The following MFAP3L variants were observed in gnomAD, a reference collection of about 807,000 sequenced individuals.
The protein encoded by MFAP3L is microfibrillar-associated protein 3-like.
In MFAP3L, 5 loss-of-function variants were observed where a neutral mutation model predicts 20.0. The observed-to-expected ratio is 0.25, with a 90% CI of 0.13 to 0.53. The LOEUF is 0.53. Ranked by LOEUF, MFAP3L falls within the 20% of genes least tolerant of loss-of-function variation. The pLI is 0.96. For missense variants in MFAP3L, 409 were observed against 527.5 expected (o/e 0.78, Z 2.20); for synonymous variants, 219 against 213.0 (o/e 1.03, Z -0.25).
rs1220814497 is a variant in MFAP3L at position 170,026,223 on chromosome 4, C to A, written c.-134+11G>T. 2 of 984,218 alleles carry A rather than the reference C, an allele frequency of 2.0e-6. No individual in the cohort carries two copies. Among genetic ancestry groups the A allele is most frequent in the Non-Finnish European group, 2.4e-6 (2 of 829,358 alleles). 61.0% of individuals were successfully genotyped at this position (984,218 alleles called of 1,614,324 possible). A position where few individuals can be genotyped will look rare whatever the true frequency, so the allele number is the denominator to read the frequency against. ...CCCCTCCGCCCCGGCCCGCCGGGGGCCCCCGCTAACCTGACACCGCCGCGC... is the reference window on the plus strand; with the variant it reads ...CCCCTCCGCCCCGGCCCGCCGGGGGACCCCGCTAACCTGACACCGCCGCGC... On this transcript the variant is annotated intron_variant, in intron 1 of 2. Coordinates refer to ENST00000361618, the MANE Select transcript of MFAP3L (RefSeq NM_021647.8).
chr4:170,014,018 C>T (rs13127322), intron 1 of MFAP3L, among the ~76,000 whole-genome samples: 36,824 of 152,136 alleles, frequency 0.24, 5,244 homozygotes, highest in East Asian at 0.69. Context: ...AAACGGATCA[C>T]AATGCACATC....
At chr4:169,993,529 T>C (rs1271192046) in intron 2 of MFAP3L, 2 of 152,174 alleles carry the variant, frequency 1.3e-5, no homozygotes, top group Admixed American at 6.5e-5. Context: ...TTTTTTGTTG[T>C]TTTTTGTTGT....
At position 170,021,691 on chromosome 4, in the gene MFAP3L, G is replaced by A. The variant is rs139137351; in HGVS notation, c.-134+4543C>T. Among the ~76,000 whole-genome samples, 827 of 152,308 alleles carry A rather than the reference G, an allele frequency of 5.4e-3. 10 individuals carry two copies. Among genetic ancestry groups the A allele is most frequent in the African/African-American group, 0.019 (796 of 41,548 alleles). ...TCAGTTTAGGTTTTCTGGACACAGA[G>A]ATGTCAATTTAACCAAGAGACAACA... On this transcript the variant is annotated intron_variant, in intron 1 of 2. Coordinates refer to ENST00000361618, the MANE Select transcript of MFAP3L (RefSeq NM_021647.8).
intron 1 of MFAP3L, among the ~76,000 whole-genome samples, chr4:170,013,415 T>C (rs960957723): frequency 2.0e-5 from 3 of 152,164 alleles, no homozygotes; most frequent in Non-Finnish European, 2.9e-5. Flanking sequence ...TTGTTCTCTA[T>C]AGATATATAA....
At chr4:169,994,943 A>G (rs1738027577) in intron 2 of MFAP3L, 1 of 152,258 alleles carries the variant, frequency 6.6e-6, no homozygotes, top group Non-Finnish European at 1.5e-5. Context: ...TGCATATATT[A>G]TAATCCTAAA....
chr4:169,994,975 G>C (rs2110930006), intron 2 of MFAP3L: 1 of 152,214 alleles, frequency 6.6e-6, no homozygotes, highest in South Asian at 2.1e-4. Context: ...ATTACCTATA[G>C]CATGAGCTGT....
chr4:170,006,939 C>T (rs973931640), intron 1 of MFAP3L: 1 of 152,290 alleles, frequency 6.6e-6, no homozygotes, highest in Non-Finnish European at 1.5e-5. Flanking sequence ...ATCTCATCTG[C>T]CTCCCACAGG....
At chr4:170,003,093 A>G (rs544827396) in intron 2 of MFAP3L, among the ~76,000 whole-genome samples, 1 of 152,324 alleles carries the variant, frequency 6.6e-6, no homozygotes, top group Non-Finnish European at 1.5e-5. Context: ...ACTGCTTTGT[A>G]TATTATCCCA....
intron 1 of MFAP3L, among the ~76,000 whole-genome samples, chr4:170,023,684 G>C (rs1018797525): frequency 2.6e-5 from 4 of 152,224 alleles, no homozygotes; most frequent in Non-Finnish European, 4.4e-5. Flanking sequence ...ACTTAGGGGA[G>C]TGATAGTATC....
At chr4:170,010,495 G>T (rs1410729340) in intron 1 of MFAP3L, among the ~76,000 whole-genome samples, 2 of 151,972 alleles carry the variant, frequency 1.3e-5, no homozygotes, top group Non-Finnish European at 2.9e-5. Context: ...CACCACCTAT[G>T]AGACAGCAAG....
At chr4:170,004,973 T>C (rs1385672472) in intron 2 of MFAP3L, 1 of 152,386 alleles carries the variant, frequency 6.6e-6, no homozygotes, top group Non-Finnish European at 1.5e-5. Flanking sequence ...TTTCCCGGAG[T>C]GAGGTGACTC....
intron 1 of MFAP3L, among the ~76,000 whole-genome samples, chr4:170,013,078 T>C (rs915656541): frequency 6.6e-6 from 1 of 152,252 alleles, no homozygotes; most frequent in Non-Finnish European, 1.5e-5. Flanking sequence ...CATAAAACTT[T>C]ATTTTTAATG....
At chr4:170,018,956 A>T (rs1739865786) in intron 1 of MFAP3L, among the ~76,000 whole-genome samples, 1 of 152,212 alleles carries the variant, frequency 6.6e-6, no homozygotes, top group Non-Finnish European at 1.5e-5. Flanking sequence ...AGCAGCTGAG[A>T]AGCAAGAACG....
intron 1 of MFAP3L, among the ~76,000 whole-genome samples, chr4:170,015,623 C>A (rs1251503283): frequency 6.6e-6 from 1 of 152,138 alleles, no homozygotes; most frequent in Non-Finnish European, 1.5e-5. Flanking sequence ...ATTAGGACGC[C>A]CCCCATTCAT....
In MFAP3L at chr4:169,991,265, T is replaced by C. The variant is rs1024759023; in HGVS notation, c.*113A>G. 74 of 1,143,996 alleles carry C rather than the reference T, an allele frequency of 6.5e-5. No homozygotes were observed. The highest frequency in any genetic ancestry group is 8.4e-5 in the Non-Finnish European group (68 of 807,242). 70.9% of individuals were successfully genotyped at this position (1,143,996 alleles called of 1,614,324 possible). A position where few individuals can be genotyped will look rare whatever the true frequency, so the allele number is the denominator to read the frequency against. Reference sequence around the variant, plus strand: ...TCTCCTTTTAAAGTGGCATCACTCCTACCTAAGGGATGAGAGTCTCCTGGT... The same window carrying C: ...TCTCCTTTTAAAGTGGCATCACTCCCACCTAAGGGATGAGAGTCTCCTGGT... On this transcript the variant is annotated 3_prime_UTR_variant, in exon 3 of 3. Coordinates refer to ENST00000361618, the MANE Select transcript of MFAP3L (RefSeq NM_021647.8). This position sits in a 1 kb window ranked among gnomAD's most constrained non-coding sequence, Gnocchi z 4.9.
Position 169,995,546 on chromosome 4 carries a change from A to T in MFAP3L, c.299-3237T>A, listed in dbSNP as rs200543499. On this transcript the variant is annotated intron_variant, in intron 2 of 2. Transcript: ENST00000361618. ...ATGCTCAAGAAGAATCTCCATCCAC[A>T]CGGCACTTGTCCAGACAGGAACATC... 3.9e-5 allele frequency among the ~76,000 whole-genome samples: 6 copies of T among 152,266 alleles called. No individual in the cohort carries two copies. The East Asian group carries it at 1.2e-3, about 29-fold the overall frequency.
Position 170,005,637 on chromosome 4 carries a change from A to G in MFAP3L, c.241T>C (p.Tyr81His), listed in dbSNP as rs1161095389. 6.2e-7 allele frequency: 1 copy of G among 1,614,206 alleles called. No homozygotes were observed. Reference protein sequence around the residue: ...YGIPDPQFKWYNSIGKLLKEE... With the variant: ...YGIPDPQFKWHNSIGKLLKEE... Reference sequence around the variant, plus strand: ...TTCAGCAGCTTGCCAATGGAATTATACCACTTGAACTGTGGGTCAGGGATG... The same window carrying G: ...TTCAGCAGCTTGCCAATGGAATTATGCCACTTGAACTGTGGGTCAGGGATG... The change falls in exon 2 of 3, where the codon TAT (tyrosine) becomes CAT (histidine). Residue 81 changes from tyrosine to histidine, a missense_variant. This residue lies in a region of MFAP3L where 113 missense variants were observed against 131.1 expected (regional missense o/e 0.86). Coordinates refer to ENST00000361618, the MANE Select transcript of MFAP3L (RefSeq NM_021647.8).
chr4:170,002,698 C>G (rs1438410200), intron 2 of MFAP3L, among the ~76,000 whole-genome samples: 1 of 151,886 alleles, frequency 6.6e-6, no homozygotes, highest in Non-Finnish European at 1.5e-5. Flanking sequence ...TTAGCAGAGA[C>G]AGGGTTTCAC....
chr4:169,991,876 C>G lies in MFAP3L; in HGVS notation c.732G>C (p.Pro244=), dbSNP rs138351719. Residue 244 remains proline (P), a synonymous_variant, in exon 3 of 3, where the codon CCG becomes CCC. Coordinates refer to ENST00000361618, the MANE Select transcript of MFAP3L (RefSeq NM_021647.8). This position sits in a 1 kb window ranked among gnomAD's most constrained non-coding sequence, Gnocchi z 4.9. The part of the protein sequence containing the change: ...IEELARSVPL[P]PLIMNCRTIM... ...TAGTCCTGCAGTTCATAATGAGAGG[C>G]GGCAGAGGCACGCTCCTGGCAAGCT... 80 of 1,614,012 alleles carry G rather than the reference C, an allele frequency of 5.0e-5. No individual in the cohort carries two copies. Among genetic ancestry groups the G allele is most frequent in the South Asian group, 1.3e-4 (12 of 91,080 alleles).
Sources: allele counts gnomAD v4.1 joint callset (sites outside exome capture counted in the v4.1 genomes callset), GRCh38; gene constraint gnomAD v4.1.1; regional missense constraint gnomAD v4.1.1; non-coding constraint Gnocchi (gnomAD v3.1); transcripts MANE v1.5; gene names NCBI Gene and HGNC (gene_info 2026-07-23, HGNC 2026-07-21).